The following SNTG2 variants were observed in gnomAD, a reference collection of about 807,000 sequenced individuals.
The protein encoded by SNTG2 is gamma-2-syntrophin.
Under a neutral mutation model 70.9 loss-of-function variants are expected in SNTG2, and 74 were observed. That is an observed-to-expected ratio of 1.04 (90% CI 0.86 to 1.27). The LOEUF (loss-of-function observed/expected upper bound fraction) is 1.27, where lower values mean the gene tolerates loss of function less well. Among genes scored for constraint, SNTG2 ranks in the 50% most tolerant of loss-of-function variants. The probability of loss-of-function intolerance (pLI) is 0.00; values close to 1 mark genes in which losing one functional copy is unlikely to be tolerated. For synonymous variants in SNTG2, 278 were observed against 273.8 expected, an observed-to-expected ratio of 1.02 and a Z score of -0.15; for missense variants, 717 against 690.7, an observed-to-expected ratio of 1.04 and a Z score of -0.43.
intron 14 of SNTG2, among the ~76,000 whole-genome samples, chr2:1,269,101 A>G (rs999222768): frequency 6.6e-6 from 1 of 152,216 alleles, no homozygotes; most frequent in Non-Finnish European, 1.5e-5. Flanking sequence ...ATGTAGTGAA[A>G]TGAATGTCTG....
rs181526380 is a variant in SNTG2 at position 1,051,249 on chromosome 2, C to A, written c.73-32269C>A. Among the ~76,000 whole-genome samples the A allele has an allele frequency of 3.5e-5, 5 of 143,854 alleles. No individual in the cohort carries two copies. In the Admixed American group the frequency reaches 3.8e-4, roughly 11 times the overall value. 94.4% of individuals were successfully genotyped at this position (143,854 alleles called of 152,430 possible). A position where few individuals can be genotyped will look rare whatever the true frequency, so the allele number is the denominator to read the frequency against. On this transcript the variant is annotated intron_variant, in intron 1 of 16. Coordinates refer to ENST00000308624, the MANE Select transcript of SNTG2 (RefSeq NM_018968.4). ...GCTTTATGATTGTATTGGCTGGGAGCTGCAGTACCATGCCGTATTGAAGTG... is the reference window on the plus strand; with the variant it reads ...GCTTTATGATTGTATTGGCTGGGAGATGCAGTACCATGCCGTATTGAAGTG...
chr2:1,143,896 G>GCA (rs1558451691), intron 6 of SNTG2, among the ~76,000 whole-genome samples: 7 of 130,196 alleles, frequency 5.4e-5, no homozygotes, highest in African/African-American at 2.1e-4. Flanking sequence ...CCCCCCCCCA[G>GCA]AAAAAGAAAA....
At chr2:1,011,968 G>A (rs368608099) in intron 1 of SNTG2, among the ~76,000 whole-genome samples, 1 of 152,140 alleles carries the variant, frequency 6.6e-6, no homozygotes, top group Non-Finnish European at 1.5e-5. Context: ...CTGAGAAACC[G>A]AATATAGACA....
chr2:1,098,340 C>T lies in SNTG2; in HGVS notation c.268-13C>T, dbSNP rs751916520. ...TGATAACCACGTTTCTTTCTGATGG[C>T]TTTGTCTTTCAGGGAGGTTCTGAGC... is the stretch of plus-strand genomic sequence containing the variant. On this transcript the variant is annotated splice_polypyrimidine_tract_variant and intron_variant, in intron 3 of 16. Transcript: ENST00000308624. 6.2e-7 allele frequency: 1 copy of T among 1,613,952 alleles called. No individual in the cohort carries two copies. The highest frequency in any genetic ancestry group is 1.1e-5 in the South Asian group (1 of 91,078).
chr2:1,047,418 T>C (rs1457012131), intron 1 of SNTG2, among the ~76,000 whole-genome samples: 1 of 152,194 alleles, frequency 6.6e-6, no homozygotes, highest in Non-Finnish European at 1.5e-5. Flanking sequence ...GGGACAAGAA[T>C]ACATTTTGGC....
intron 16 of SNTG2, among the ~76,000 whole-genome samples, chr2:1,336,516 A>G (rs2148290206): frequency 6.6e-6 from 1 of 152,324 alleles, no homozygotes; most frequent in Non-Finnish European, 1.5e-5. Flanking sequence ...TTGGAATCAT[A>G]TCCAAAACAT....
intron 6 of SNTG2, among the ~76,000 whole-genome samples, chr2:1,161,992 T>G (rs1352743344): frequency 1.4e-5 from 2 of 139,104 alleles, no homozygotes; most frequent in East Asian, 4.3e-4. Context: ...GAGAATTGTG[T>G]GAACCCGGGA....
intron 9 of SNTG2, among the ~76,000 whole-genome samples, chr2:1,213,279 C>T (rs1380734317): frequency 6.6e-6 from 1 of 152,160 alleles, no homozygotes; most frequent in African/African-American, 2.4e-5. Context: ...ACAGTACTTA[C>T]TCACTTAACA....
Position 1,137,502 on chromosome 2 carries a change from G to GTACA in SNTG2, c.326-120_326-119insTACA, listed in dbSNP as rs71392567. 2.2e-5 allele frequency: 19 copies of GTACA among 845,516 alleles called. No homozygotes were observed. In the East Asian group the frequency reaches 4.9e-4, roughly 22 times the overall value. The allele number at this position is 845,516 out of a possible 1,614,324, so 52.4% of individuals were successfully genotyped here. ...CACACATCTGCTCACGTGGACACAT[G>GTACA]CACACACACACACACGTGGCCACTT... On this transcript the variant is annotated intron_variant, in intron 4 of 16. Coordinates refer to ENST00000308624, the MANE Select transcript of SNTG2 (RefSeq NM_018968.4).
intron 1 of SNTG2, among the ~76,000 whole-genome samples, chr2:1,070,175 A>T (rs6752365): frequency 1.3e-5 from 2 of 151,708 alleles, no homozygotes; most frequent in Non-Finnish European, 2.9e-5. Flanking sequence ...GAGAGCAGGG[A>T]GGGAATTACC....
chr2:1,265,868 G>A (rs1678701317), intron 13 of SNTG2, among the ~76,000 whole-genome samples: 1 of 152,176 alleles, frequency 6.6e-6, no homozygotes, highest in Admixed American at 6.5e-5. Flanking sequence ...TCTCATTCAG[G>A]ACTTTGGAAA....
intron 16 of SNTG2, among the ~76,000 whole-genome samples, chr2:1,364,456 T>C (rs1661366432): frequency 6.6e-6 from 1 of 152,084 alleles, no homozygotes. Flanking sequence ...TCAGTTTCTA[T>C]GTATAAAACC....
chr2:1,245,465 A>G (rs1677368563), intron 11 of SNTG2, among the ~76,000 whole-genome samples: 5 of 152,154 alleles, frequency 3.3e-5, no homozygotes, highest in African/African-American at 1.2e-4. Flanking sequence ...CTGTGTTTGC[A>G]ATTGTTTTTA....
intron 1 of SNTG2, chr2:1,059,194 T>A (rs565129460): frequency 1.3e-5 from 2 of 152,378 alleles, no homozygotes; most frequent in Admixed American, 1.3e-4. Context: ...GAAAGTGTGT[T>A]CCTGGCAATG....
At chr2:1,282,749 C>T (rs1374792912) in intron 14 of SNTG2, among the ~76,000 whole-genome samples, 1 of 150,946 alleles carries the variant, frequency 6.6e-6, no homozygotes, top group Non-Finnish European at 1.5e-5. Context: ...CGCCCACCCC[C>T]GCCCCCACGT....
At chr2:1,104,461 A>T (rs1426401919) in intron 4 of SNTG2, among the ~76,000 whole-genome samples, 1 of 152,246 alleles carries the variant, frequency 6.6e-6, no homozygotes, top group Non-Finnish European at 1.5e-5. Flanking sequence ...ATTTAAAAAT[A>T]AACACTTTGT....
chr2:1,186,121 A>G (rs1402435077), intron 8 of SNTG2, among the ~76,000 whole-genome samples: 1 of 151,402 alleles, frequency 6.6e-6, no homozygotes, highest in African/African-American at 2.4e-5. Flanking sequence ...TCAATGTTGC[A>G]CAGATCCCTA....
At chr2:1,171,969 G>A (rs1162409323) in intron 7 of SNTG2, among the ~76,000 whole-genome samples, 5 of 152,136 alleles carry the variant, frequency 3.3e-5, no homozygotes, top group South Asian at 2.1e-4. Flanking sequence ...ATGTGGTGCC[G>A]ATTGTTCTTC....
At chr2:1,069,014 G>A (rs7426276) in intron 1 of SNTG2, among the ~76,000 whole-genome samples, 17,489 of 152,194 alleles carry the variant, frequency 0.11, 1,733 homozygotes, top group East Asian at 0.49. Context: ...TTTGAAAGAC[G>A]GAATTTGTAA....
Sources: gnomAD v4.1 joint callset for allele counts (sites outside exome capture counted in the v4.1 genomes callset) on GRCh38, gnomAD v4.1.1 for gene constraint, MANE v1.5 for transcripts, NCBI Gene and HGNC (gene_info 2026-07-23, HGNC 2026-07-21) for gene names.